The following CTDSPL2 variants were observed in gnomAD, a reference collection of about 807,000 sequenced individuals.
CTDSPL2 encodes CTD small phosphatase like 2, also known as CTD small phosphatase-like protein 2.
A neutral mutation model predicts 60.0 loss-of-function variants in CTDSPL2; 5 were observed. The ratio of observed to expected loss-of-function variants is 0.08; its 90% CI spans 0.04 to 0.18. CTDSPL2 has a LOEUF of 0.18. Among genes scored for constraint, CTDSPL2 ranks in the 10% least tolerant of loss-of-function variants. The probability of loss-of-function intolerance (pLI) is 1.00; values close to 1 mark genes in which losing one functional copy is unlikely to be tolerated. For synonymous variants in CTDSPL2, 186 were observed against 189.3 expected (o/e 0.98, Z 0.14); for missense variants, 370 against 548.8 (o/e 0.67, Z 3.26).
In CTDSPL2 at chr15:44,443,782, G is replaced by T. The variant is rs377401904; in HGVS notation, c.-24-15209G>T. Among the ~76,000 whole-genome samples the T allele has an allele frequency of 3.9e-5, 6 of 152,072 alleles. No homozygotes were observed. The South Asian group carries it at 1.2e-3, about 32-fold the overall frequency. ...TCTGGTTGTTTTTTTCTTTCTGATT[G>T]TAATGCTTTATGTATTCTAGATAAG... On this transcript the variant is annotated intron_variant, in intron 1 of 12. Transcript: ENST00000260327.
chr15:44,477,786 C>T (rs2080948780), intron 2 of CTDSPL2, among the ~76,000 whole-genome samples: 1 of 148,102 alleles, frequency 6.8e-6, no homozygotes, highest in African/African-American at 2.5e-5. Context: ...TGTGGTGAGC[C>T]AAGATCGTGC....
At chr15:44,523,473 G>C (rs1353539614) in intron 12 of CTDSPL2, among the ~76,000 whole-genome samples, 1 of 152,124 alleles carries the variant, frequency 6.6e-6, no homozygotes, top group Admixed American at 6.5e-5. Context: ...GGGCATTGTG[G>C]TGTGTGCCTA....
chr15:44,433,135 C>T (rs1330855794), intron 1 of CTDSPL2, among the ~76,000 whole-genome samples: 4 of 150,576 alleles, frequency 2.7e-5, no homozygotes, highest in South Asian at 2.1e-4. Context: ...GGCAACATGG[C>T]GAAACCCTGT....
intron 1 of CTDSPL2, among the ~76,000 whole-genome samples, chr15:44,454,795 T>G (rs1285244765): frequency 2.0e-5 from 3 of 152,200 alleles, no homozygotes; most frequent in Non-Finnish European, 4.4e-5. Context: ...TATCTCTGTT[T>G]TGGTACCAGT....
rs2081868624 is a variant in CTDSPL2 at position 44,526,139 on chromosome 15, C to T, written c.*1965C>T. ...ATCTGGGCATCTTTATGCTGTTTGT[C>T]TTCTGTCTTTCTTGAAATAAAATGT... On this transcript the variant is annotated 3_prime_UTR_variant, in exon 13 of 13. Transcript: ENST00000260327. 6.6e-6 allele frequency: 1 copy of T among 152,072 alleles called. No homozygotes were observed. The highest frequency in any genetic ancestry group is 2.4e-5 in the African/African-American group (1 of 41,412). The allele number at this position is 152,072 out of a possible 1,614,324, so 9.4% of individuals were successfully genotyped here.
intron 2 of CTDSPL2, among the ~76,000 whole-genome samples, chr15:44,460,040 C>T (rs902454736): frequency 6.6e-5 from 10 of 152,172 alleles, no homozygotes; most frequent in Non-Finnish European, 1.2e-4. Context: ...CCAACTGCTT[C>T]GTCTATCTCA....
intron 4 of CTDSPL2, among the ~76,000 whole-genome samples, chr15:44,487,466 C>T (rs1012601274): frequency 2.0e-5 from 3 of 150,296 alleles, no homozygotes; most frequent in South Asian, 2.1e-4. Context: ...AGGGGGTCCA[C>T]GTAAAAAAAA....
At chr15:44,443,554 G>A (rs556540558) in intron 1 of CTDSPL2, among the ~76,000 whole-genome samples, 3 of 152,172 alleles carry the variant, frequency 2.0e-5, no homozygotes, top group South Asian at 4.1e-4. Context: ...CCACATTCTT[G>A]CCGGCAATTT....
intron 1 of CTDSPL2, among the ~76,000 whole-genome samples, chr15:44,440,199 G>GTTT (rs34781077): frequency 2.8e-5 from 4 of 140,704 alleles, no homozygotes; most frequent in African/African-American, 7.8e-5. Flanking sequence ...TTGTTTTTGT[G>GTTT]TTTTTTTTTT....
chr15:44,515,223 A>AT (rs1430365214), intron 10 of CTDSPL2, among the ~76,000 whole-genome samples: 2 of 152,148 alleles, frequency 1.3e-5, no homozygotes, highest in Non-Finnish European at 2.9e-5. Flanking sequence ...AATAAAAATT[A>AT]TTTTTTAACA....
intron 1 of CTDSPL2, among the ~76,000 whole-genome samples, chr15:44,441,499 A>G (rs1041513685): frequency 2.6e-5 from 4 of 152,224 alleles, no homozygotes; most frequent in Admixed American, 6.5e-5. Flanking sequence ...TGTGTCTCTC[A>G]GGAATAATAC....
intron 1 of CTDSPL2, chr15:44,448,479 C>T (rs544576034): frequency 1.2e-5 from 3 of 250,852 alleles, no homozygotes; most frequent in East Asian, 1.1e-4. Flanking sequence ...CTCATCCTCT[C>T]GATTTTGGGG....
intron 2 of CTDSPL2, among the ~76,000 whole-genome samples, chr15:44,475,813 C>G (rs1195140644): frequency 6.6e-6 from 1 of 152,120 alleles, no homozygotes; most frequent in Non-Finnish European, 1.5e-5. Flanking sequence ...TATGTCTCAT[C>G]TATTTAAGTA....
At chr15:44,482,161 T>C (rs181031282) in intron 2 of CTDSPL2, among the ~76,000 whole-genome samples, 2 of 152,324 alleles carry the variant, frequency 1.3e-5, no homozygotes, top group Admixed American at 1.3e-4. Flanking sequence ...TCGTTGTTGT[T>C]TTAGAGACAG....
intron 2 of CTDSPL2, among the ~76,000 whole-genome samples, chr15:44,471,573 C>A (rs967897347): frequency 5.9e-5 from 9 of 152,094 alleles, no homozygotes; most frequent in African/African-American, 2.2e-4. Context: ...TTATGATCTA[C>A]TATCTTAGAA....
At chr15:44,428,643 G>T (rs2079795948) in intron 1 of CTDSPL2, among the ~76,000 whole-genome samples, 1 of 152,188 alleles carries the variant, frequency 6.6e-6, no homozygotes, top group Non-Finnish European at 1.5e-5. Context: ...TTCCTCCGAG[G>T]CAGGGATTTA....
intron 1 of CTDSPL2, among the ~76,000 whole-genome samples, chr15:44,433,950 T>C (rs894701493): frequency 7.2e-6 from 1 of 139,642 alleles, no homozygotes; most frequent in African/African-American, 2.9e-5. Context: ...AAGACTCTCG[T>C]CTCAAAAAAA....
chr15:44,513,087 C>A (rs907445872), intron 8 of CTDSPL2, among the ~76,000 whole-genome samples: 2 of 148,612 alleles, frequency 1.3e-5, no homozygotes, highest in African/African-American at 5.0e-5. Flanking sequence ...AAAAAAAAAA[C>A]TAATAGGATT....
chr15:44,514,481 A>G (rs536515107), intron 8 of CTDSPL2, 117 bp from the exon 9 acceptor site: 33 of 679,880 alleles, frequency 4.9e-5, no homozygotes, highest in East Asian at 1.1e-4. Context: ...TAATATTTCT[A>G]TACTTTAAAA....
Sources: allele counts gnomAD v4.1 joint callset (sites outside exome capture counted in the v4.1 genomes callset), GRCh38; gene constraint gnomAD v4.1.1; transcripts MANE v1.5; gene names NCBI Gene and HGNC (gene_info 2026-07-23, HGNC 2026-07-21).